The following SIPA1L3 variants were observed in gnomAD, a reference collection of about 807,000 sequenced individuals.
SIPA1L3 encodes signal induced proliferation associated 1 like 3.
In SIPA1L3, 59 loss-of-function variants were observed where a neutral mutation model predicts 150.1. The ratio of observed to expected loss-of-function variants is 0.39; its 90% CI spans 0.32 to 0.49. The LOEUF is 0.49. Among genes scored for constraint, SIPA1L3 ranks in the 20% least tolerant of loss-of-function variants. The pLI, the probability that SIPA1L3 is intolerant of heterozygous loss-of-function variation, is 0.86. For synonymous variants in SIPA1L3, 1,070 were observed against 1,077.6 expected, an observed-to-expected ratio of 0.99 and a Z score of 0.14; for missense variants, 2,211 against 2,489.5, an observed-to-expected ratio of 0.89 and a Z score of 2.38.
chr19:38,193,792 C>A lies in SIPA1L3; in HGVS notation c.4840+12C>A. On this transcript the variant is annotated intron_variant, in intron 18 of 21. Coordinates refer to ENST00000222345, the MANE Select transcript of SIPA1L3 (RefSeq NM_015073.3). ...TCCCGAGAAGAAATGTGAGCCTGGG[C>A]CCCCTGGGACTGGCGCGGTAGTTAC... 2 of 1,555,354 alleles carry A rather than the reference C, an allele frequency of 1.3e-6. No individual in the cohort carries two copies. The highest frequency in any genetic ancestry group is 2.4e-5 in the East Asian group (1 of 42,274).
chr19:38,135,941 G>T (rs1204057039), intron 10 of SIPA1L3, among the ~76,000 whole-genome samples: 2 of 151,976 alleles, frequency 1.3e-5, no homozygotes, highest in Non-Finnish European at 2.9e-5. Flanking sequence ...GCTGCCACCA[G>T]CCAGGCCGCA....
chr19:38,165,927 T>A (rs1209875739), intron 15 of SIPA1L3, among the ~76,000 whole-genome samples: 1 of 152,098 alleles, frequency 6.6e-6, no homozygotes, highest in Non-Finnish European at 1.5e-5. Flanking sequence ...CATGCCCAAC[T>A]AATTTTTGTA....
At chr19:37,984,157 G>A (rs1300351011) in intron 1 of SIPA1L3, among the ~76,000 whole-genome samples, 1 of 152,204 alleles carries the variant, frequency 6.6e-6, no homozygotes, top group African/African-American at 2.4e-5. Flanking sequence ...CCTGCGCAGG[G>A]CGGGGCAGCG....
chr19:38,071,959 CAA>C (rs1479293614), intron 2 of SIPA1L3, among the ~76,000 whole-genome samples: 1 of 152,178 alleles, frequency 6.6e-6, no homozygotes, highest in Admixed American at 6.5e-5. Flanking sequence ...GTGGTGATGT[CAA>C]GTAATCAGGT....
intron 2 of SIPA1L3, among the ~76,000 whole-genome samples, chr19:38,078,803 C>T (rs961493651): frequency 1.2e-4 from 19 of 152,174 alleles, no homozygotes; most frequent in Admixed American, 3.3e-4. Context: ...GGAGCGGGCA[C>T]GGCTGCTGGG....
intron 1 of SIPA1L3, among the ~76,000 whole-genome samples, chr19:37,992,067 G>A (rs1441788678): frequency 6.6e-6 from 1 of 152,240 alleles, no homozygotes; most frequent in African/African-American, 2.4e-5. Flanking sequence ...GCATCCACGT[G>A]GCTAGAGGCA....
rs567709715 is a variant in SIPA1L3 at position 37,975,871 on chromosome 19, G to A, written c.-378-53218G>A. 3.9e-5 allele frequency among the ~76,000 whole-genome samples: 6 copies of A among 152,150 alleles called. No individual in the cohort carries two copies. In the East Asian group the frequency reaches 1.2e-3, roughly 30 times the overall value. On this transcript the variant is annotated intron_variant, in intron 1 of 21. Coordinates refer to ENST00000222345, the MANE Select transcript of SIPA1L3 (RefSeq NM_015073.3). ...TGTAATCCCAGCACTTTGGGTGGCC[G>A]AGGCGGGTAGATCACTTGAGGTCAG...
At chr19:37,991,558 G>C (rs1372495974) in intron 1 of SIPA1L3, among the ~76,000 whole-genome samples, 1 of 152,224 alleles carries the variant, frequency 6.6e-6, no homozygotes, top group South Asian at 2.1e-4. Flanking sequence ...ACCCTGGAAA[G>C]CCCTGGGCTG....
chr19:38,109,674 C>G (rs935444951), intron 7 of SIPA1L3: 1 of 154,290 alleles, frequency 6.5e-6, no homozygotes, highest in African/African-American at 2.4e-5. Context: ...TTGAGTACCT[C>G]CTGTATGCCA....
intron 19 of SIPA1L3, 33 bp downstream of exon 19, chr19:38,198,565 C>T: frequency 1.4e-6 from 2 of 1,465,338 alleles, no homozygotes; most frequent in Non-Finnish European, 9.0e-7. Context: ...CGCCAGGCCC[C>T]CACCCCGTCC....
intron 15 of SIPA1L3, among the ~76,000 whole-genome samples, chr19:38,166,259 T>G (rs766146238): frequency 2.0e-5 from 3 of 150,950 alleles, no homozygotes; most frequent in Non-Finnish European, 4.4e-5. Flanking sequence ...ATCCAGACTG[T>G]CCTGGCCAAC....
chr19:38,074,488 C>T (rs1475531063), intron 2 of SIPA1L3, among the ~76,000 whole-genome samples: 5 of 152,244 alleles, frequency 3.3e-5, no homozygotes, highest in African/African-American at 1.2e-4. Context: ...ACAACACAGG[C>T]TGGGCTGCTG....
intron 1 of SIPA1L3, among the ~76,000 whole-genome samples, chr19:37,955,109 A>AG (rs2046798188): frequency 6.7e-6 from 1 of 149,414 alleles, no homozygotes; most frequent in Admixed American, 6.7e-5. Context: ...AAAAAAAAAA[A>AG]GGCCAGGCAT....
At chr19:38,136,502 G>A (rs896487327) in intron 10 of SIPA1L3, among the ~76,000 whole-genome samples, 1 of 152,134 alleles carries the variant, frequency 6.6e-6, no homozygotes, top group Non-Finnish European at 1.5e-5. Context: ...TACTCAAGAG[G>A]CTGAGGCAGG....
chr19:38,124,627 G>T (rs1971127285), intron 9 of SIPA1L3, among the ~76,000 whole-genome samples: 1 of 152,202 alleles, frequency 6.6e-6, no homozygotes, highest in Non-Finnish European at 1.5e-5. Context: ...TGCACTCTTG[G>T]CACTTTGGGA....
chr19:38,006,118 T>G lies in SIPA1L3; in HGVS notation c.-378-22971T>G, dbSNP rs1026220848. Among the ~76,000 whole-genome samples, 4 of 151,874 alleles carry G rather than the reference T, an allele frequency of 2.6e-5. No homozygotes were observed. In the South Asian group the frequency reaches 8.3e-4, roughly 32 times the overall value. ...GGGTGCCAAGACATCATGTAACTAG[T>G]TGGGGAGGTGATGCTGGGGCTGAGA... is the stretch of plus-strand genomic sequence containing the variant. On this transcript the variant is annotated intron_variant, in intron 1 of 21. Coordinates refer to ENST00000222345, the MANE Select transcript of SIPA1L3 (RefSeq NM_015073.3).
chr19:38,016,313 C>T (rs953990426), intron 1 of SIPA1L3, among the ~76,000 whole-genome samples: 2 of 152,180 alleles, frequency 1.3e-5, no homozygotes, highest in Non-Finnish European at 2.9e-5. Flanking sequence ...ACTTAAAACA[C>T]TTCTAAGGCC....
At chr19:38,089,938 C>T (rs754042156) in intron 4 of SIPA1L3, among the ~76,000 whole-genome samples, 7 of 152,220 alleles carry the variant, frequency 4.6e-5, no homozygotes, top group Non-Finnish European at 5.9e-5. Context: ...TTTTGCATCG[C>T]GAGTGTCATT....
intron 1 of SIPA1L3, among the ~76,000 whole-genome samples, chr19:37,929,970 C>T (rs992195950): frequency 4.6e-5 from 7 of 151,586 alleles, no homozygotes; most frequent in Admixed American, 1.3e-4. Context: ...GCAATCCTCC[C>T]GCCTCAACCT....
Sources: gnomAD v4.1 joint callset for allele counts (sites outside exome capture counted in the v4.1 genomes callset) on GRCh38, gnomAD v4.1.1 for gene constraint, MANE v1.5 for transcripts, NCBI Gene and HGNC (gene_info 2026-07-23, HGNC 2026-07-21) for gene names.